Variants in LIMK2 observed in about 807,000 individuals in gnomAD.
The protein encoded by LIMK2 is LIM domain kinase 2.
A neutral mutation model predicts 75.7 loss-of-function variants in LIMK2; 35 were observed. The observed-to-expected ratio is 0.46, with a 90% confidence interval of 0.35 to 0.61. LIMK2 has a LOEUF of 0.61. LIMK2 is among the 20% of genes least tolerant of loss of function. The pLI is 0.00. For synonymous variants in LIMK2, 301 were observed against 319.2 expected (o/e 0.94, Z 0.61); for missense variants, 623 against 831.0 (o/e 0.75, Z 3.08).
intron 1 of LIMK2, among the ~76,000 whole-genome samples, chr22:31,214,506 C>CAA (rs1416155640): frequency 6.6e-6 from 1 of 151,650 alleles, no homozygotes; most frequent in Admixed American, 6.6e-5. Flanking sequence ...CAGGGTCTCA[C>CAA]TATGTTGCCC....
At chr22:31,248,984 C>T (rs1221997518) in intron 2 of LIMK2, among the ~76,000 whole-genome samples, 1 of 152,184 alleles carries the variant, frequency 6.6e-6, no homozygotes, top group Non-Finnish European at 1.5e-5. Flanking sequence ...GAAGGAACTT[C>T]TTAGGGAGCT....
chr22:31,272,439 T>G, intron 12 of LIMK2, 91 bp from the exon 13 acceptor site: 2 of 1,250,696 alleles, frequency 1.6e-6, no homozygotes, highest in South Asian at 3.0e-5. Flanking sequence ...TTTTCTCCCC[T>G]TCTCAGTGGC....
At position 31,244,185 on chromosome 22, in the gene LIMK2, G is replaced by C. The variant is rs190499735; in HGVS notation, c.117-14106G>C. The stretch of plus-strand genomic sequence containing the variant: ...TCCTAGACACCGACTCACTGAGCCC[G>C]TCGCCGCTGGAACAGCAGAGCTGTG... On this transcript the variant is annotated intron_variant, in intron 2 of 15. Coordinates refer to ENST00000331728, the MANE Select transcript of LIMK2 (RefSeq NM_005569.4). Among the ~76,000 whole-genome samples the C allele has an allele frequency of 3.9e-5, 6 of 152,334 alleles. No homozygotes were observed. The East Asian group carries it at 1.2e-3, about 29-fold the overall frequency.
At chr22:31,230,521 G>A (rs1475532282) in intron 2 of LIMK2, among the ~76,000 whole-genome samples, 1 of 152,110 alleles carries the variant, frequency 6.6e-6, no homozygotes, top group South Asian at 2.1e-4. Context: ...TGCTTGACCT[G>A]GTTCCTAGCA....
intron 2 of LIMK2, among the ~76,000 whole-genome samples, chr22:31,237,335 G>C (rs1394578603): frequency 6.6e-6 from 1 of 151,470 alleles, no homozygotes; most frequent in Non-Finnish European, 1.5e-5. Context: ...AGGTCGAGGC[G>C]GGCGGATCAC....
chr22:31,257,331 A>G (rs894879262), intron 2 of LIMK2, among the ~76,000 whole-genome samples: 33 of 152,178 alleles, frequency 2.2e-4, no homozygotes, highest in Middle Eastern at 3.2e-3. Context: ...TACCTTTCAC[A>G]TAGATTCATG....
Position 31,262,053 on chromosome 22 carries a change from TA to T in LIMK2, c.552-78del. 1 of 1,183,882 alleles carries T rather than the reference TA, an allele frequency of 8.4e-7. No homozygotes were observed. The highest frequency in any genetic ancestry group is 1.3e-6 in the Non-Finnish European group (1 of 791,902). 73.3% of individuals were successfully genotyped at this position (1,183,882 alleles called of 1,614,324 possible). On this transcript the variant is annotated intron_variant, in intron 5 of 15. Transcript: ENST00000331728. The surrounding 1 kb of genome is among the most constrained non-coding windows in gnomAD (Gnocchi z 5.0). Reference sequence around the variant, plus strand: ...GGGCCACTGGTGGCCTGGGACCTGGTAAACCTTCCCTGCACAAGCAGAATTG... The same window carrying T: ...GGGCCACTGGTGGCCTGGGACCTGGTAACCTTCCCTGCACAAGCAGAATTG...
intron 15 of LIMK2, chr22:31,277,032 G>A: frequency 2.5e-6 from 4 of 1,613,940 alleles, no homozygotes; most frequent in Admixed American, 1.7e-5. Flanking sequence ...GGGCTTCCAG[G>A]GTCAAGGAGC....
intron 2 of LIMK2, among the ~76,000 whole-genome samples, chr22:31,254,425 A>G (rs1244125191): frequency 6.6e-6 from 1 of 152,156 alleles, no homozygotes; most frequent in Non-Finnish European, 1.5e-5. Flanking sequence ...TGCCACTCCT[A>G]CCATTTTCAG....
chr22:31,248,628 C>T (rs11556237), intron 2 of LIMK2: 212,059 of 1,612,270 alleles, frequency 0.13, 18,657 homozygotes, highest in African/African-American at 0.44. Context: ...CCGGGAGCCC[C>T]GGGCCTGTCA....
intron 2 of LIMK2, among the ~76,000 whole-genome samples, chr22:31,246,961 A>G (rs2048677281): frequency 2.0e-5 from 3 of 152,210 alleles, no homozygotes; most frequent in Non-Finnish European, 4.4e-5. Flanking sequence ...TAACTGCTCA[A>G]TAAATGGTAG....
chr22:31,215,149 A>G (rs1037144142), intron 1 of LIMK2, among the ~76,000 whole-genome samples: 1 of 152,226 alleles, frequency 6.6e-6, no homozygotes, highest in African/African-American at 2.4e-5. Flanking sequence ...ACAAGGTTCC[A>G]TAGCTAAATG....
chr22:31,268,069 A>C (rs571996028), intron 10 of LIMK2, 75 bp from the exon 11 acceptor site: 29 of 1,533,790 alleles, frequency 1.9e-5, no homozygotes, highest in Middle Eastern at 3.4e-4. Context: ...CTGGGAGACC[A>C]CATTGACCCA....
At chr22:31,239,845 AT>A (rs1205189830) in intron 2 of LIMK2, among the ~76,000 whole-genome samples, 7 of 152,178 alleles carry the variant, frequency 4.6e-5, no homozygotes, top group African/African-American at 1.4e-4. Flanking sequence ...GGACACTTGA[AT>A]AAAGTCCATC....
chr22:31,228,058 G>C (rs981580292), intron 2 of LIMK2, among the ~76,000 whole-genome samples: 6 of 151,924 alleles, frequency 3.9e-5, no homozygotes, highest in Non-Finnish European at 7.4e-5. Flanking sequence ...GTGAGATAGA[G>C]ACAGAAAGAT....
intron 1 of LIMK2, among the ~76,000 whole-genome samples, chr22:31,218,086 A>G (rs1449165358): frequency 6.6e-6 from 1 of 152,228 alleles, no homozygotes; most frequent in Non-Finnish European, 1.5e-5. Flanking sequence ...GCAGGAAGGA[A>G]GAGAAGTTAG....
chr22:31,275,018 G>A, intron 14 of LIMK2, 133 bp from the exon 15 acceptor site: 1 of 812,960 alleles, frequency 1.2e-6, no homozygotes, highest in Non-Finnish European at 2.1e-6. Flanking sequence ...TGGGGATTGG[G>A]GAGAGCTCTC....
chr22:31,246,800 T>C (rs1463800386), intron 2 of LIMK2, among the ~76,000 whole-genome samples: 3 of 151,658 alleles, frequency 2.0e-5, no homozygotes, highest in East Asian at 1.9e-4. Flanking sequence ...TCACCACTTA[T>C]CAGCTATTTG....
intron 15 of LIMK2, chr22:31,277,089 G>T: frequency 6.2e-7 from 1 of 1,613,962 alleles, no homozygotes; most frequent in Non-Finnish European, 8.5e-7. Flanking sequence ...TCTCTGGCCT[G>T]CTGGACAAGA....
Sources: allele counts gnomAD v4.1 joint callset (sites outside exome capture counted in the v4.1 genomes callset), GRCh38; gene constraint gnomAD v4.1.1; non-coding constraint Gnocchi (gnomAD v3.1); transcripts MANE v1.5; gene names NCBI Gene and HGNC (gene_info 2026-07-23, HGNC 2026-07-21).